The following GLCE variants were observed in gnomAD, a reference collection of about 807,000 sequenced individuals.
The protein encoded by GLCE is glucuronic acid epimerase.
GLCE carries 19 observed loss-of-function variants against 47.9 expected under a neutral mutation model. The ratio of observed to expected loss-of-function variants is 0.40; its 90% confidence interval spans 0.28 to 0.58. GLCE has a LOEUF of 0.58. Ranked by LOEUF, GLCE falls within the 20% of genes least tolerant of loss-of-function variation. The pLI, the probability that GLCE is intolerant of heterozygous loss-of-function variation, is 0.48. For missense variants in GLCE, 556 were observed against 743.3 expected (o/e 0.75, Z 2.93); for synonymous variants, 245 against 263.4 (o/e 0.93, Z 0.68).
intron 1 of GLCE, among the ~76,000 whole-genome samples, chr15:69,186,871 CT>C (rs759012741): frequency 1.7e-4 from 26 of 151,646 alleles, no homozygotes; most frequent in African/African-American, 6.0e-4. Context: ...CTCATATACA[CT>C]TTTTTTTTCC....
At chr15:69,253,141 A>G (rs953204051) in intron 2 of GLCE, among the ~76,000 whole-genome samples, 1 of 152,146 alleles carries the variant, frequency 6.6e-6, no homozygotes, top group Admixed American at 6.6e-5. Context: ...TCCCCTCCTC[A>G]TACCTCTTTC....
At chr15:69,261,446 A>G (rs1486653103) in intron 4 of GLCE, 117 bp downstream of exon 4, 3 of 954,192 alleles carry the variant, frequency 3.1e-6, no homozygotes, top group Non-Finnish European at 4.7e-6. Flanking sequence ...TATATTACAT[A>G]TATAAAGTAA....
chr15:69,171,292 A>G (rs2051584196), intron 1 of GLCE, among the ~76,000 whole-genome samples: 1 of 152,168 alleles, frequency 6.6e-6, no homozygotes, highest in Non-Finnish European at 1.5e-5. Context: ...CTTGACTTGA[A>G]TGTCACTGTT....
intron 4 of GLCE, among the ~76,000 whole-genome samples, chr15:69,267,691 CT>C (rs1387066476): frequency 6.6e-6 from 1 of 152,156 alleles, no homozygotes; most frequent in Non-Finnish European, 1.5e-5. Context: ...AGCACCTACC[CT>C]TGTAATTGTT....
chr15:69,255,682 T>C, intron 2 of GLCE, 112 bp from the exon 3 acceptor site: 1 of 592,900 alleles, frequency 1.7e-6, no homozygotes, highest in Non-Finnish European at 2.9e-6. Flanking sequence ...TGATCCAAAA[T>C]TGTCCTAATA....
At chr15:69,258,923 C>T (rs1424974083) in intron 3 of GLCE, among the ~76,000 whole-genome samples, 1 of 151,938 alleles carries the variant, frequency 6.6e-6, no homozygotes, top group Non-Finnish European at 1.5e-5. Context: ...GTAGTGTATT[C>T]CTATTCTGAG....
intron 2 of GLCE, among the ~76,000 whole-genome samples, chr15:69,243,057 C>CAAAAA (rs547412078): frequency 4.8e-5 from 2 of 42,090 alleles, no homozygotes; most frequent in African/African-American, 7.6e-5. Flanking sequence ...AGATCCTGTC[C>CAAAAA]AAAAAAAAAA....
intron 2 of GLCE, among the ~76,000 whole-genome samples, chr15:69,240,420 G>A (rs1032958615): frequency 6.6e-6 from 1 of 151,962 alleles, no homozygotes; most frequent in African/African-American, 2.4e-5. Flanking sequence ...GATATAAAAG[G>A]TTACTTCTGT....
At chr15:69,258,660 T>C (rs144809824) in intron 3 of GLCE, among the ~76,000 whole-genome samples, 1 of 152,162 alleles carries the variant, frequency 6.6e-6, no homozygotes, top group Non-Finnish European at 1.5e-5. Context: ...AGGCATGCAA[T>C]GTATAATAAT....
In GLCE at chr15:69,268,871, A is replaced by G. The variant is rs373822789; in HGVS notation, c.1481A>G (p.His494Arg). The change falls in exon 5 of 5, where the codon CAT becomes CGT. Residue 494 changes from histidine to arginine, a missense_variant. By Grantham distance (29) the His-to-Arg change is conservative. Transcript: ENST00000261858. ...GTTAAAGCTGTGTTTATGAATAAAC[A>G]TGACTGGTATGAAGAATATCCAACC... ...HGVKAVFMNK[H>R]DWYEEYPTTP... The G allele has an allele frequency of 2.5e-6, 4 of 1,614,064 alleles. No homozygotes were observed. The highest frequency in any genetic ancestry group is 1.3e-5 in the African/African-American group (1 of 74,940).
intron 3 of GLCE, among the ~76,000 whole-genome samples, chr15:69,259,347 C>T (rs1294800355): frequency 1.3e-5 from 2 of 152,004 alleles, no homozygotes; most frequent in Non-Finnish European, 2.9e-5. Flanking sequence ...GTTTTTAGTT[C>T]CATTTATTAA....
intron 1 of GLCE, among the ~76,000 whole-genome samples, chr15:69,176,117 C>T (rs2051658226): frequency 6.8e-6 from 1 of 146,852 alleles, no homozygotes; most frequent in Admixed American, 7.0e-5. Context: ...TTCAGAGCCA[C>T]TTTTTATTTG....
intron 1 of GLCE, among the ~76,000 whole-genome samples, chr15:69,187,488 A>C (rs2051841513): frequency 6.6e-6 from 1 of 152,148 alleles, no homozygotes. Context: ...AGATTAAGTA[A>C]ACAAAATTAC....
chr15:69,242,552 T>C (rs1447483096), intron 2 of GLCE, among the ~76,000 whole-genome samples: 1 of 152,200 alleles, frequency 6.6e-6, no homozygotes, highest in Non-Finnish European at 1.5e-5. Flanking sequence ...CATTAGCTCA[T>C]TGTCATTAAC....
chr15:69,210,144 T>G (rs1335615414), intron 1 of GLCE, among the ~76,000 whole-genome samples, 172 bp from the exon 2 acceptor site: 2 of 152,128 alleles, frequency 1.3e-5, no homozygotes, highest in Non-Finnish European at 2.9e-5. Flanking sequence ...CAGTGGTACA[T>G]CAAATTCTGG....
intron 2 of GLCE, among the ~76,000 whole-genome samples, chr15:69,224,668 G>A (rs1332912263): frequency 6.6e-6 from 1 of 152,224 alleles, no homozygotes; most frequent in African/African-American, 2.4e-5. Flanking sequence ...CCTGCAAGCT[G>A]AGTACAAACT....
At chr15:69,202,278 TCAA>T (rs2052086796) in intron 1 of GLCE, among the ~76,000 whole-genome samples, 1 of 151,776 alleles carries the variant, frequency 6.6e-6, no homozygotes, top group Non-Finnish European at 1.5e-5. Context: ...AAAAAAAAAA[TCAA>T]CAGTTGCTTT....
intron 2 of GLCE, among the ~76,000 whole-genome samples, chr15:69,211,257 T>C (rs1267751591): frequency 6.6e-6 from 1 of 152,112 alleles, no homozygotes; most frequent in African/African-American, 2.4e-5. Flanking sequence ...TAAAAGTTTA[T>C]ATGATAAAGG....
At chr15:69,192,067 A>G (rs1004934509) in intron 1 of GLCE, among the ~76,000 whole-genome samples, 7 of 152,130 alleles carry the variant, frequency 4.6e-5, no homozygotes, top group Non-Finnish European at 8.8e-5. Context: ...ATCCTGCTAG[A>G]TATTGCTTGA....
Sources: allele counts gnomAD v4.1 joint callset (sites outside exome capture counted in the v4.1 genomes callset), GRCh38; gene constraint gnomAD v4.1.1; transcripts MANE v1.5; gene names NCBI Gene and HGNC (gene_info 2026-07-23, HGNC 2026-07-21).